Variants in SPATA6 observed in about 807,000 individuals in gnomAD.
SPATA6 encodes the protein spermatogenesis associated 6, also known as spermatogenesis-associated protein 6.
Under a neutral mutation model 65.3 loss-of-function variants are expected in SPATA6, and 56 were observed. That is an observed-to-expected ratio of 0.86 (90% CI 0.69 to 1.07). SPATA6 has a LOEUF of 1.07. Among genes scored for constraint, SPATA6 ranks in the 50% least tolerant of loss-of-function variants. The pLI, the probability that SPATA6 is intolerant of heterozygous loss-of-function variation, is 0.00. For synonymous variants in SPATA6, 199 were observed against 213.2 expected, an observed-to-expected ratio of 0.93 and a Z score of 0.58; for missense variants, 590 against 594.8, an observed-to-expected ratio of 0.99 and a Z score of 0.08.
chr1:48,323,895 G>A (rs1266030362), intron 11 of SPATA6, among the ~76,000 whole-genome samples: 1 of 152,058 alleles, frequency 6.6e-6, no homozygotes, highest in African/African-American at 2.4e-5. Flanking sequence ...GGGCTCGATG[G>A]ATTCACTAAA....
intron 9 of SPATA6, among the ~76,000 whole-genome samples, chr1:48,364,014 C>T (rs547429534): frequency 2.0e-5 from 3 of 151,886 alleles, no homozygotes; most frequent in Admixed American, 6.6e-5. Context: ...ATGTGCTCTC[C>T]TTGTTCAATT....
intron 9 of SPATA6, among the ~76,000 whole-genome samples, chr1:48,374,012 G>A (rs1201072615): frequency 2.0e-5 from 3 of 152,136 alleles, no homozygotes; most frequent in East Asian, 1.9e-4. Context: ...TCCATGCACA[G>A]TCTATTGGCT....
the SPATA6 span, among the ~76,000 whole-genome samples, chr1:48,283,697 A>AAAAAAAAAAAGAAAGAAAGAAAGAAAG: frequency 8.3e-5 from 1 of 12,002 alleles, no homozygotes; most frequent in Non-Finnish European, 2.3e-4. Context: ...AAAAAAAAAA[A>AAAAAAAAAAAGAAAGAAAGAAAGAAAG]AAAGAAAGAA....
intron 9 of SPATA6, among the ~76,000 whole-genome samples, chr1:48,367,770 T>C (rs1343644617): frequency 6.6e-6 from 1 of 152,236 alleles, no homozygotes; most frequent in Non-Finnish European, 1.5e-5. Flanking sequence ...TCTGTGTCTT[T>C]TAATTGGAGC....
intron 5 of SPATA6, among the ~76,000 whole-genome samples, chr1:48,408,437 A>C (rs982928641): frequency 2.0e-5 from 3 of 152,178 alleles, no homozygotes; most frequent in Admixed American, 6.5e-5. Flanking sequence ...TGCAGCTTTT[A>C]ATTTTAGGTG....
intron 4 of SPATA6, among the ~76,000 whole-genome samples, chr1:48,412,626 A>AT (rs564246675): frequency 2.5e-4 from 37 of 150,624 alleles, no homozygotes; most frequent in Non-Finnish European, 4.1e-4. Flanking sequence ...GATAGATGAG[A>AT]TTTTTTTTTT....
Position 48,372,455 on chromosome 1 carries a change from C to T in SPATA6, c.910-12685G>A, listed in dbSNP as rs907950013. On this transcript the variant is annotated intron_variant, in intron 9 of 12. Transcript: ENST00000371847. ...TGGGTTCCCATGGTGTTAGGCAGCT[C>T]CACCCCTGTGGTTTTGCAGGATATA... 1.4e-4 allele frequency among the ~76,000 whole-genome samples: 21 copies of T among 152,200 alleles called. No individual in the cohort carries two copies. In the East Asian group the frequency reaches 4.0e-3, roughly 29 times the overall value.
At chr1:48,434,589 A>T (rs186291256) in intron 3 of SPATA6, among the ~76,000 whole-genome samples, 212 of 152,228 alleles carry the variant, frequency 1.4e-3, no homozygotes, top group Middle Eastern at 3.4e-3. Context: ...CTGAGGAGTG[A>T]CTGGAAATAA....
intron 3 of SPATA6, among the ~76,000 whole-genome samples, chr1:48,433,544 A>G (rs1355661876): frequency 6.6e-6 from 1 of 152,160 alleles, no homozygotes; most frequent in African/African-American, 2.4e-5. Flanking sequence ...TAAATGTACT[A>G]TGATACTCCA....
chr1:48,374,733 T>C (rs1647690936), intron 9 of SPATA6, among the ~76,000 whole-genome samples: 2 of 152,276 alleles, frequency 1.3e-5, no homozygotes, highest in Admixed American at 6.5e-5. Flanking sequence ...CAAAATAGTG[T>C]TTACTTGTCA....
chr1:48,345,168 C>T (rs189848197), intron 11 of SPATA6, among the ~76,000 whole-genome samples: 1 of 151,860 alleles, frequency 6.6e-6, no homozygotes, highest in Admixed American at 6.6e-5. Context: ...TCTTAACAAT[C>T]TCTCAGACCA....
the SPATA6 span, among the ~76,000 whole-genome samples, chr1:48,286,636 T>A: frequency 1.3e-5 from 2 of 152,210 alleles, no homozygotes; most frequent in African/African-American, 4.8e-5. Context: ...TTTAGATGCC[T>A]TTTTAAAATT....
chr1:48,293,355 T>A (rs1232196026), downstream of SPATA6, among the ~76,000 whole-genome samples: 5 of 152,182 alleles, frequency 3.3e-5, no homozygotes, highest in African/African-American at 1.2e-4. Flanking sequence ...TGGTTATTCT[T>A]GTTTTTGTTG....
chr1:48,341,439 C>T (rs532442711), intron 11 of SPATA6, among the ~76,000 whole-genome samples: 49 of 152,288 alleles, frequency 3.2e-4, no homozygotes, highest in Non-Finnish European at 5.9e-4. Flanking sequence ...AGCATACCCA[C>T]GCCGTATACA....
At chr1:48,469,412 A>C (rs1658056040) in intron 1 of SPATA6, among the ~76,000 whole-genome samples, 2 of 151,622 alleles carry the variant, frequency 1.3e-5, no homozygotes, top group South Asian at 4.1e-4. Flanking sequence ...TACTGAACGA[A>C]GAAAAGCAAA....
At chr1:48,289,046 C>A in the SPATA6 span, among the ~76,000 whole-genome samples, 8 of 152,200 alleles carry the variant, frequency 5.3e-5, no homozygotes, top group South Asian at 2.1e-4. Flanking sequence ...CAGACTGCCA[C>A]CTCAAGTGGG....
At chr1:48,367,678 GC>G (rs1285281627) in intron 9 of SPATA6, among the ~76,000 whole-genome samples, 1 of 151,974 alleles carries the variant, frequency 6.6e-6, no homozygotes, top group East Asian at 1.9e-4. Context: ...TTTATTTTGA[GC>G]CTATGTGTGT....
chr1:48,337,163 T>C (rs932108483), intron 11 of SPATA6, among the ~76,000 whole-genome samples: 3 of 151,958 alleles, frequency 2.0e-5, no homozygotes, highest in Admixed American at 1.3e-4. Context: ...TATTAGCAAA[T>C]TGAAACCAGT....
chr1:48,332,826 A>T (rs921746558), intron 11 of SPATA6, among the ~76,000 whole-genome samples: 1 of 152,182 alleles, frequency 6.6e-6, no homozygotes, highest in Non-Finnish European at 1.5e-5. Flanking sequence ...GCAATAAGAC[A>T]TAAGACAATC....
Sources: allele counts gnomAD v4.1 joint callset (sites outside exome capture counted in the v4.1 genomes callset), GRCh38; gene constraint gnomAD v4.1.1; transcripts MANE v1.5; gene names NCBI Gene and HGNC (gene_info 2026-07-23, HGNC 2026-07-21).